Variants in PDSS2 observed in about 807,000 individuals in gnomAD.
The protein encoded by PDSS2 is decaprenyl diphosphate synthase subunit 2.
Under a neutral mutation model 44.5 loss-of-function variants are expected in PDSS2, and 31 were observed. The observed-to-expected ratio is 0.70, with a 90% CI of 0.52 to 0.94. The LOEUF (loss-of-function observed/expected upper bound fraction) is 0.94. Among genes scored for constraint, PDSS2 ranks in the 40% least tolerant of loss-of-function variants. The pLI is 0.00. For missense variants in PDSS2, 452 were observed against 482.2 expected (o/e 0.94, Z 0.59); for synonymous variants, 157 against 180.3 (o/e 0.87, Z 1.03).
chr6:107,397,202 C>T (rs1247439065), intron 1 of PDSS2, among the ~76,000 whole-genome samples: 3 of 144,896 alleles, frequency 2.1e-5, no homozygotes, highest in East Asian at 2.0e-4. Flanking sequence ...TTTTGGTGGT[C>T]GAGGGGGAAG....
At chr6:107,447,424 T>A (rs530956005) in intron 1 of PDSS2, among the ~76,000 whole-genome samples, 3 of 152,194 alleles carry the variant, frequency 2.0e-5, no homozygotes, top group African/African-American at 7.2e-5. Context: ...ATACATCTGT[T>A]CCAAATGGGA....
At chr6:107,260,325 G>A (rs1413150217) in intron 3 of PDSS2, among the ~76,000 whole-genome samples, 1 of 152,012 alleles carries the variant, frequency 6.6e-6, no homozygotes, top group East Asian at 1.9e-4. Flanking sequence ...AACCAACTTT[G>A]GCTTAGACTA....
intron 2 of PDSS2, among the ~76,000 whole-genome samples, chr6:107,287,326 G>A (rs1776188273): frequency 6.6e-6 from 1 of 152,112 alleles, no homozygotes; most frequent in African/African-American, 2.4e-5. Context: ...CGCTTGAACA[G>A]CCTGACCCTT....
At chr6:107,185,469 A>G (rs1772135503) in intron 7 of PDSS2, among the ~76,000 whole-genome samples, 1 of 152,212 alleles carries the variant, frequency 6.6e-6, no homozygotes, top group African/African-American at 2.4e-5. Context: ...TTAAAAAATT[A>G]AAATTGTAGA....
chr6:107,329,076 A>C (rs976340220), intron 2 of PDSS2, among the ~76,000 whole-genome samples: 2 of 152,030 alleles, frequency 1.3e-5, no homozygotes, highest in Non-Finnish European at 2.9e-5. Context: ...TCTATCTTGG[A>C]CCTCACCTCT....
chr6:107,215,621 T>C (rs1281210167), intron 4 of PDSS2, among the ~76,000 whole-genome samples: 2 of 152,114 alleles, frequency 1.3e-5, no homozygotes, highest in Non-Finnish European at 2.9e-5. Context: ...CTCTTACTGT[T>C]TGAAGGCAAT....
intron 2 of PDSS2, among the ~76,000 whole-genome samples, chr6:107,290,138 G>A (rs1158262425): frequency 2.0e-5 from 3 of 152,124 alleles, no homozygotes; most frequent in Non-Finnish European, 4.4e-5. Context: ...AAACAGTTTT[G>A]TAAGAAGTTT....
intron 1 of PDSS2, among the ~76,000 whole-genome samples, chr6:107,354,236 A>T (rs1045356084): frequency 1.3e-5 from 2 of 152,256 alleles, no homozygotes; most frequent in African/African-American, 4.8e-5. Flanking sequence ...CATGCAGGGC[A>T]TATAACCACA....
At chr6:107,289,156 T>C (rs1776260486) in intron 2 of PDSS2, among the ~76,000 whole-genome samples, 2 of 150,820 alleles carry the variant, frequency 1.3e-5, no homozygotes, top group Non-Finnish European at 3.0e-5. Flanking sequence ...GCGTATCACC[T>C]GAGGTCAGCA....
intron 4 of PDSS2, among the ~76,000 whole-genome samples, chr6:107,223,781 A>G (rs1773696197): frequency 7.2e-6 from 1 of 139,128 alleles, no homozygotes; most frequent in Non-Finnish European, 1.6e-5. Flanking sequence ...ACCCACCAAG[A>G]GCATTTAAAC....
chr6:107,377,802 C>T (rs951492562), intron 1 of PDSS2, among the ~76,000 whole-genome samples: 3 of 151,858 alleles, frequency 2.0e-5, no homozygotes, highest in African/African-American at 7.2e-5. Context: ...AACCAAACAC[C>T]GCATGTTCTC....
At chr6:107,286,128 T>A (rs1306182669) in intron 2 of PDSS2, among the ~76,000 whole-genome samples, 1 of 16,058 alleles carries the variant, frequency 6.2e-5, no homozygotes, top group African/African-American at 2.0e-4. Context: ...CAAAACTTCG[T>A]CGCAAAATAA....
At chr6:107,433,024 A>G (rs1781240360) in intron 1 of PDSS2, among the ~76,000 whole-genome samples, 1 of 152,124 alleles carries the variant, frequency 6.6e-6, no homozygotes, top group South Asian at 2.1e-4. Context: ...GACATGTGGT[A>G]TGTATCTTTC....
chr6:107,429,672 G>T (rs1405755044), intron 1 of PDSS2, among the ~76,000 whole-genome samples: 1 of 151,606 alleles, frequency 6.6e-6, no homozygotes, highest in Admixed American at 6.6e-5. Flanking sequence ...ATCATCTGAG[G>T]TCGGGAGTTT....
At chr6:107,344,270 AT>A (rs1026317913) in intron 1 of PDSS2, among the ~76,000 whole-genome samples, 1 of 152,210 alleles carries the variant, frequency 6.6e-6, no homozygotes, top group Non-Finnish European at 1.5e-5. Flanking sequence ...CATGAAAATT[AT>A]TTTTTTAAAG....
intron 1 of PDSS2, among the ~76,000 whole-genome samples, chr6:107,430,369 G>A (rs576344831): frequency 1.3e-5 from 2 of 151,984 alleles, no homozygotes; most frequent in African/African-American, 2.4e-5. Flanking sequence ...GCGTGGTGGC[G>A]TGCATCTATA....
chr6:107,232,534 C>G (rs79232554), intron 4 of PDSS2, among the ~76,000 whole-genome samples: 2 of 152,312 alleles, frequency 1.3e-5, no homozygotes, highest in Non-Finnish European at 2.9e-5. Context: ...CATGAACATC[C>G]AATCTAAAGT....
At chr6:107,359,301 C>T (rs1049226295) in intron 1 of PDSS2, among the ~76,000 whole-genome samples, 3 of 151,700 alleles carry the variant, frequency 2.0e-5, no homozygotes, top group Admixed American at 6.6e-5. Context: ...CATGAGCCGC[C>T]GCACCCAGCC....
chr6:107,211,221 C>A (rs1462549266), intron 5 of PDSS2, among the ~76,000 whole-genome samples: 1 of 151,182 alleles, frequency 6.6e-6, no homozygotes, highest in African/African-American at 2.4e-5. Context: ...TGTATATATT[C>A]CCCCCCTTAT....
Sources: allele counts gnomAD v4.1 joint callset (sites outside exome capture counted in the v4.1 genomes callset), GRCh38; gene constraint gnomAD v4.1.1; transcripts MANE v1.5; gene names NCBI Gene and HGNC (gene_info 2026-07-23, HGNC 2026-07-21).